The following SLFN12L variants were observed in gnomAD, a reference collection of about 807,000 sequenced individuals.
SLFN12L encodes the protein schlafen family member 12-like.
A neutral mutation model predicts 34.8 loss-of-function variants in SLFN12L; 34 were observed. That is an observed-to-expected ratio of 0.98 (90% CI 0.74 to 1.30). SLFN12L has a LOEUF of 1.30. Ranked by LOEUF, SLFN12L falls within the 50% of genes most tolerant of loss-of-function variation. SLFN12L has a pLI of 0.00. For synonymous variants in SLFN12L, 259 were observed against 247.5 expected (o/e 1.05, Z -0.44); for missense variants, 703 against 696.2 (o/e 1.01, Z -0.11).
Position 35,466,079 on chromosome 17 carries a change from A to G in SLFN12L, c.*8844T>C, listed in dbSNP as rs146013807. Among the ~76,000 whole-genome samples the G allele has an allele frequency of 9.7e-4, 148 of 152,262 alleles. No homozygotes were observed. Among genetic ancestry groups the G allele is most frequent in the Middle Eastern group, 3.4e-3 (1 of 294 alleles). ...ATACCCACTGCCCGCACTCATGCAT[A>G]GCCTCCCCCATTAGCAACATCTCCC... On this transcript the variant is annotated 3_prime_UTR_variant, in exon 5 of 5. Transcript: ENST00000628453.
In SLFN12L at chr17:35,479,812, G is replaced by A. The variant is rs1914241527; in HGVS notation, c.470C>T (p.Ser157Phe). ...IFVKSWSLET[S>F]GPQIATLSSS... Reference sequence around the variant, plus strand: ...GCTCAACGTGGCAATCTGCGGACCAGAGGTTTCCAAGCTCCATGATTTCAC... The same window carrying A: ...GCTCAACGTGGCAATCTGCGGACCAAAGGTTTCCAAGCTCCATGATTTCAC... Residue 157 changes from serine to phenylalanine, a missense_variant, in exon 3 of 5, where the codon TCT becomes TTT. Ser to Phe is a radical substitution (Grantham distance 155). Coordinates refer to ENST00000628453, the MANE Select transcript of SLFN12L (RefSeq NM_001363830.2). 6.2e-7 allele frequency: 1 copy of A among 1,610,118 alleles called. No homozygotes were observed. Among genetic ancestry groups the A allele is most frequent in the Non-Finnish European group, 8.5e-7 (1 of 1,178,168 alleles).
In SLFN12L at chr17:35,474,505, A is replaced by G. The variant is rs944722441; in HGVS notation, c.*418T>C. On this transcript the variant is annotated 3_prime_UTR_variant, in exon 5 of 5. Coordinates refer to ENST00000628453, the MANE Select transcript of SLFN12L (RefSeq NM_001363830.2). ...TGTTACCAAATATATAATGAAAAAT[A>G]TCTCTGTAGCCCAGTCCATCTTCCA... is the stretch of plus-strand genomic sequence containing the variant. The G allele has an allele frequency of 6.5e-6, 1 of 154,942 alleles. No individual in the cohort carries two copies. The highest frequency in any genetic ancestry group is 1.4e-5 in the Non-Finnish European group (1 of 69,594). The allele number at this position is 154,942 out of a possible 1,614,324, so 9.6% of individuals were successfully genotyped here. A position where few individuals can be genotyped will look rare whatever the true frequency, so the allele number is the denominator to read the frequency against.
intron 1 of SLFN12L, among the ~76,000 whole-genome samples, chr17:35,527,654 C>A (rs1263619544): frequency 6.6e-6 from 1 of 152,092 alleles, no homozygotes; most frequent in Non-Finnish European, 1.5e-5. Context: ...ATTCAACACC[C>A]CTCCATGCTA....
rs1489409235 is a variant in SLFN12L at position 35,530,441 on chromosome 17, G to GAAAGA, written c.-606+7131_-606+7132insTCTTT. ...AGGAAGGAAGGAAGGGAAGGGAAGG[G>GAAAGA]AAGAAAGAAAGAAAGAAAGAAAGAA... On this transcript the variant is annotated intron_variant, in intron 1 of 4. Coordinates refer to ENST00000628453, the MANE Select transcript of SLFN12L (RefSeq NM_001363830.2). 2.0e-3 allele frequency among the ~76,000 whole-genome samples: 33 copies of GAAAGA among 16,878 alleles called. 8 individuals are homozygous for GAAAGA. Among genetic ancestry groups the GAAAGA allele is most frequent in the Non-Finnish European group, 4.2e-3 (19 of 4,472 alleles). 11.1% of individuals were successfully genotyped at this position (16,878 alleles called of 152,430 possible). A position where few individuals can be genotyped will look rare whatever the true frequency, so the allele number is the denominator to read the frequency against.
At chr17:35,506,611 T>C (rs1299464450) in intron 2 of SLFN12L, among the ~76,000 whole-genome samples, 1 of 152,206 alleles carries the variant, frequency 6.6e-6, no homozygotes, top group East Asian at 1.9e-4. Context: ...TCAAATCTTC[T>C]ATGATGAACT....
At chr17:35,529,228 T>C (rs924764953) in intron 1 of SLFN12L, among the ~76,000 whole-genome samples, 4 of 152,138 alleles carry the variant, frequency 2.6e-5, no homozygotes, top group Admixed American at 6.6e-5. Flanking sequence ...GAAATAGGAA[T>C]GCTTTTACAC....
intron 2 of SLFN12L, among the ~76,000 whole-genome samples, chr17:35,486,584 T>C (rs1914591378): frequency 6.6e-6 from 1 of 152,014 alleles, no homozygotes; most frequent in Non-Finnish European, 1.5e-5. Flanking sequence ...TGGAACACAA[T>C]GCTAAAATTA....
At chr17:35,487,354 A>G (rs1319191318) in intron 2 of SLFN12L, among the ~76,000 whole-genome samples, 1 of 152,266 alleles carries the variant, frequency 6.6e-6, no homozygotes, top group Non-Finnish European at 1.5e-5. Flanking sequence ...TTTGACAGAC[A>G]TTGCTACAGA....
chr17:35,499,368 T>C (rs1182145785), intron 2 of SLFN12L, among the ~76,000 whole-genome samples: 1 of 152,198 alleles, frequency 6.6e-6, no homozygotes, highest in Non-Finnish European at 1.5e-5. Flanking sequence ...AAAACAATTT[T>C]TAGCAACGTA....
At chr17:35,513,496 C>T (rs1915721237) in intron 2 of SLFN12L, among the ~76,000 whole-genome samples, 2 of 152,220 alleles carry the variant, frequency 1.3e-5, no homozygotes, top group African/African-American at 4.8e-5. Flanking sequence ...GCTATCTGTA[C>T]AATGAGAAAT....
chr17:35,484,358 A>G (rs944151142), intron 2 of SLFN12L, among the ~76,000 whole-genome samples: 1 of 152,250 alleles, frequency 6.6e-6, no homozygotes, highest in Non-Finnish European at 1.5e-5. Flanking sequence ...CAGGAAATCA[A>G]GCGAGGACTC....
intron 2 of SLFN12L, among the ~76,000 whole-genome samples, chr17:35,515,724 A>G (rs765567976): frequency 9.7e-4 from 135 of 138,482 alleles, no homozygotes; most frequent in Admixed American, 1.6e-3. Flanking sequence ...GCTCACTGCA[A>G]CCTCCATCTC....
At chr17:35,493,465 T>A (rs553076928) in intron 2 of SLFN12L, among the ~76,000 whole-genome samples, 2 of 152,358 alleles carry the variant, frequency 1.3e-5, no homozygotes, top group South Asian at 4.1e-4. Flanking sequence ...TAGATTGTTG[T>A]GTGTTTTGTT....
At chr17:35,498,464 T>A (rs1439604682) in intron 2 of SLFN12L, 2 of 1,262,902 alleles carry the variant, frequency 1.6e-6, no homozygotes, top group African/African-American at 2.9e-5. Flanking sequence ...TTCTCATCGA[T>A]TCTGATTCCC....
At chr17:35,477,757 A>G (rs1914099768) in intron 4 of SLFN12L, among the ~76,000 whole-genome samples, 1 of 152,122 alleles carries the variant, frequency 6.6e-6, no homozygotes, top group Admixed American at 6.5e-5. Flanking sequence ...AAAGATGAAG[A>G]GAGAAGTCTG....
At chr17:35,486,406 G>C (rs950263540) in intron 2 of SLFN12L, among the ~76,000 whole-genome samples, 24 of 152,030 alleles carry the variant, frequency 1.6e-4, no homozygotes, top group Admixed American at 9.2e-4. Flanking sequence ...GCTTAAGGAG[G>C]GTACGCATAC....
At chr17:35,533,572 T>G (rs1008689344) in intron 1 of SLFN12L, among the ~76,000 whole-genome samples, 1 of 152,112 alleles carries the variant, frequency 6.6e-6, no homozygotes. Context: ...TGAGTTAAGA[T>G]CTGAAGAATG....
At chr17:35,528,794 A>G (rs1251712786) in intron 1 of SLFN12L, among the ~76,000 whole-genome samples, 4 of 152,246 alleles carry the variant, frequency 2.6e-5, no homozygotes, top group Non-Finnish European at 4.4e-5. Flanking sequence ...CAAAGACTTC[A>G]TGACTAAAAC....
chr17:35,478,115 A>G lies in SLFN12L; in HGVS notation c.1236T>C (p.Tyr412=), dbSNP rs1031598199. The G allele has an allele frequency of 7.1e-6, 11 of 1,545,336 alleles. No homozygotes were observed. The Admixed American group carries it at 1.4e-4, about 19-fold the overall frequency. Residue 412 remains tyrosine (Y), a synonymous_variant, in exon 4 of 5, where the codon TAT becomes TAC. Coordinates refer to ENST00000628453, the MANE Select transcript of SLFN12L (RefSeq NM_001363830.2). ...PVSQSYPLRE[Y]INFKIQPLRY... ...TCAGTGGCTGAATTTTGAAGTTAATATATTCACGAAGAGGATAACTCTGGG... is the reference window on the plus strand; with the variant it reads ...TCAGTGGCTGAATTTTGAAGTTAATGTATTCACGAAGAGGATAACTCTGGG...
Sources: allele counts gnomAD v4.1 joint callset (sites outside exome capture counted in the v4.1 genomes callset), GRCh38; gene constraint gnomAD v4.1.1; transcripts MANE v1.5; gene names NCBI Gene and HGNC (gene_info 2026-07-23, HGNC 2026-07-21).